The following ARHGEF18 variants were observed in gnomAD, a reference collection of about 807,000 sequenced individuals.
ARHGEF18 encodes the protein rho guanine nucleotide exchange factor 18.
A neutral mutation model predicts 155.7 loss-of-function variants in ARHGEF18; 93 were observed. That is an observed-to-expected ratio of 0.60 (90% CI 0.50 to 0.71). ARHGEF18 has a LOEUF of 0.71. ARHGEF18 is among the 30% of genes least tolerant of loss of function. The probability of loss-of-function intolerance (pLI) is 0.00; values close to 1 mark genes in which losing one functional copy is unlikely to be tolerated. For missense variants in ARHGEF18, 1,593 were observed against 1,816.1 expected, an observed-to-expected ratio of 0.88 and a Z score of 2.23; for synonymous variants, 742 against 753.1, an observed-to-expected ratio of 0.99 and a Z score of 0.24.
At chr19:7,414,074 A>G (rs1227013472) in intron 10 of ARHGEF18, among the ~76,000 whole-genome samples, 1 of 152,090 alleles carries the variant, frequency 6.6e-6, no homozygotes, top group Non-Finnish European at 1.5e-5. Flanking sequence ...TAGATACTGT[A>G]GGCATTTGGG....
intron 10 of ARHGEF18, among the ~76,000 whole-genome samples, chr19:7,404,956 C>CTTTATT (rs146609891): frequency 2.0e-5 from 3 of 151,578 alleles, no homozygotes; most frequent in African/African-American, 4.9e-5. Flanking sequence ...GACTCGGGTG[C>CTTTATT]TTTATTTTTA....
At chr19:7,381,851 C>T (rs967972949) in intron 8 of ARHGEF18, among the ~76,000 whole-genome samples, 1 of 152,228 alleles carries the variant, frequency 6.6e-6, no homozygotes, top group Non-Finnish European at 1.5e-5. Context: ...CTCCCTCCCT[C>T]TCTCACTCAC....
intron 10 of ARHGEF18, among the ~76,000 whole-genome samples, chr19:7,402,222 C>T (rs777661002): frequency 6.6e-6 from 1 of 152,116 alleles, no homozygotes; most frequent in African/African-American, 2.4e-5. Context: ...AGTTCGAGAC[C>T]AGCCTGGCCA....
rs1237550441 is a variant in ARHGEF18, at chr19:7,462,987, C to T, written c.2635+653C>T. 2.0e-5 allele frequency among the ~76,000 whole-genome samples: 3 copies of T among 151,700 alleles called. No homozygotes were observed. Among genetic ancestry groups the T allele is most frequent in the Non-Finnish European group, 4.4e-5 (3 of 67,992 alleles). On this transcript the variant is annotated intron_variant, in intron 21 of 28. Transcript: ENST00000668164. This position sits in a 1 kb window ranked among gnomAD's most constrained non-coding sequence, Gnocchi z 4.4. ...TAGCTGGGATTACAGGCACCCACCA[C>T]CACGCCCAGCTAATTTTTGTATTTT...
rs375609180 is a variant in ARHGEF18 at position 7,462,417 on chromosome 19, T to C, written c.2635+83T>C. The C allele has an allele frequency of 1.6e-4, 227 of 1,424,532 alleles. No homozygotes were observed. The East Asian group carries it at 2.8e-3, about 18-fold the overall frequency. The allele number at this position is 1,424,532 out of a possible 1,614,324, so 88.2% of individuals were successfully genotyped here. On this transcript the variant is annotated intron_variant, in intron 21 of 28. Transcript: ENST00000668164. This position sits in a 1 kb window ranked among gnomAD's most constrained non-coding sequence, Gnocchi z 4.4. The stretch of plus-strand genomic sequence containing the variant: ...AACCCCAGGCCAGGCTCACGGCTCA[T>C]TGTGGCCGACACGGCACCCTGTCCA...
chr19:7,405,958 C>T (rs572342995), intron 10 of ARHGEF18, among the ~76,000 whole-genome samples: 2 of 152,174 alleles, frequency 1.3e-5, no homozygotes, highest in African/African-American at 4.8e-5. Context: ...ATTTCTTAGG[C>T]TCTTTACAAC....
At chr19:7,417,543 C>T (rs920638593) in intron 10 of ARHGEF18, among the ~76,000 whole-genome samples, 7 of 152,032 alleles carry the variant, frequency 4.6e-5, no homozygotes, top group Non-Finnish European at 8.8e-5. Flanking sequence ...ACTAAAAATA[C>T]AAAAATCAGC....
Position 7,444,419 on chromosome 19 carries a change from G to T in ARHGEF18, c.1576G>T (p.Val526Phe). 3.7e-6 allele frequency: 6 copies of T among 1,613,722 alleles called. No homozygotes were observed. Among genetic ancestry groups the T allele is most frequent in the Non-Finnish European group, 5.1e-6 (6 of 1,179,992 alleles). ...GGAGGAGGGCAGTGACCGGAATTAT[G>T]TCATCCAGAAAATCGGCGACCTCCT... The part of the protein sequence containing the change: ...SLEEGSDRNY[V>F]IQKIGDLLVQ... Residue 526 changes from valine to phenylalanine, a missense_variant, in exon 14 of 29, where the codon GTC becomes TTC. Coordinates refer to ENST00000668164, the MANE Select transcript of ARHGEF18 (RefSeq NM_001367823.1). The surrounding 1 kb of genome is among the most constrained non-coding windows in gnomAD (Gnocchi z 4.7).
chr19:7,453,292 G>A (rs1975610994), intron 16 of ARHGEF18, among the ~76,000 whole-genome samples, 175 bp from the exon 17 acceptor site: 1 of 150,888 alleles, frequency 6.6e-6, no homozygotes, highest in African/African-American at 2.4e-5. Context: ...TTTGGGAAGT[G>A]ATCTTGAGGG....
chr19:7,378,475 G>T, intron 6 of ARHGEF18, 24 bp downstream of exon 6: 1 of 1,234,302 alleles, frequency 8.1e-7, no homozygotes, highest in Non-Finnish European at 1.0e-6. Context: ...TCGTGGTGGG[G>T]GAGGGACCCC....
At chr19:7,383,338 T>A in intron 10 of ARHGEF18, 135 bp downstream of exon 10, 1 of 1,014,172 alleles carries the variant, frequency 9.9e-7, no homozygotes, top group Non-Finnish European at 1.3e-6. Context: ...GGCGGCTCCC[T>A]GGAGAGAACC....
chr19:7,402,934 A>G (rs1020542534), intron 10 of ARHGEF18, among the ~76,000 whole-genome samples: 4 of 152,042 alleles, frequency 2.6e-5, no homozygotes, highest in Admixed American at 6.6e-5. Flanking sequence ...AATTTATGTT[A>G]TATTATAGCA....
intron 14 of ARHGEF18, 95 bp from the exon 15 acceptor site, chr19:7,446,948 C>G: frequency 2.4e-6 from 3 of 1,258,126 alleles, no homozygotes; most frequent in Non-Finnish European, 3.3e-6. Flanking sequence ...GCAAATAAAT[C>G]TAATATTTAT....
At chr19:7,385,106 G>A (rs553865132) in intron 10 of ARHGEF18, among the ~76,000 whole-genome samples, 1 of 152,302 alleles carries the variant, frequency 6.6e-6, no homozygotes, top group Admixed American at 6.5e-5. Context: ...CAGGGGATGA[G>A]CTGTGCTCAG....
At chr19:7,427,864 C>T (rs931747880) in intron 10 of ARHGEF18, among the ~76,000 whole-genome samples, 2 of 151,374 alleles carry the variant, frequency 1.3e-5, no homozygotes, top group Non-Finnish European at 2.9e-5. Flanking sequence ...AAGAATTGGT[C>T]GAATCTGGGA....
intron 10 of ARHGEF18, among the ~76,000 whole-genome samples, chr19:7,386,384 G>A (rs776411825): frequency 5.9e-5 from 9 of 151,902 alleles, no homozygotes; most frequent in Non-Finnish European, 1.2e-4. Context: ...AGCATCCATC[G>A]TCTTCACCCA....
chr19:7,397,004 A>G (rs1253703385), intron 10 of ARHGEF18, among the ~76,000 whole-genome samples: 1 of 151,418 alleles, frequency 6.6e-6, no homozygotes, highest in African/African-American at 2.4e-5. Context: ...AAGAGTTTGG[A>G]AAATTTGAGC....
chr19:7,375,354 A>AGG (rs1242095500), intron 3 of ARHGEF18, among the ~76,000 whole-genome samples: 2 of 142,286 alleles, frequency 1.4e-5, no homozygotes, highest in Admixed American at 7.0e-5. Flanking sequence ...AAAAGAAAGA[A>AGG]AAGGAAGGAA....
intron 10 of ARHGEF18, among the ~76,000 whole-genome samples, chr19:7,430,368 ATT>A (rs11301630): frequency 2.2e-3 from 317 of 143,594 alleles, no homozygotes; most frequent in African/African-American, 2.1e-3. Flanking sequence ...TGCCTGGCTA[ATT>A]TTTTTTTTTT....
Sources: gnomAD v4.1 joint callset for allele counts (sites outside exome capture counted in the v4.1 genomes callset) on GRCh38, gnomAD v4.1.1 for gene constraint, Gnocchi (gnomAD v3.1) non-coding constraint, MANE v1.5 for transcripts, NCBI Gene and HGNC (gene_info 2026-07-23, HGNC 2026-07-21) for gene names.